SCAF1: variants seen among roughly 807,000 people sequenced by gnomAD.
The protein encoded by SCAF1 is splicing factor, arginine/serine-rich 19.
Under a neutral mutation model 91.2 loss-of-function variants are expected in SCAF1, and 28 were observed. The ratio of observed to expected loss-of-function variants is 0.31; its 90% CI spans 0.23 to 0.42. The LOEUF (loss-of-function observed/expected upper bound fraction) is 0.42. SCAF1 is among the 10% of genes least tolerant of loss of function. SCAF1 has a pLI of 1.00. For missense variants in SCAF1, 1,893 were observed against 1,872.1 expected (o/e 1.01, Z -0.21); for synonymous variants, 1,036 against 833.7 (o/e 1.24, Z -4.18).
intron 6 of SCAF1, among the ~76,000 whole-genome samples, chr19:49,649,379 G>A (rs531904877): frequency 6.6e-6 from 1 of 152,288 alleles, no homozygotes; most frequent in East Asian, 1.9e-4. Context: ...GGCTCTTTCT[G>A]CGCACTCATC....
At position 49,651,839 on chromosome 19, in the gene SCAF1, C is replaced by A; in HGVS notation, c.1450C>A (p.Arg484Ser). Residue 484 changes from arginine to serine, a missense_variant, in exon 7 of 11, where the codon CGC becomes AGC. By Grantham distance (110) the Arg-to-Ser change is moderately radical. Coordinates refer to ENST00000360565, the MANE Select transcript of SCAF1 (RefSeq NM_021228.3). ...DSRWGGLDLR[R>S]KILTQRRERY... Reference sequence around the variant, plus strand: ...GCGCTGGGGCGGCCTGGACCTGCGCCGCAAGATCCTGACCCAACGGCGGGA... The same window carrying A: ...GCGCTGGGGCGGCCTGGACCTGCGCAGCAAGATCCTGACCCAACGGCGGGA... 1 of 1,251,358 alleles carries A rather than the reference C, an allele frequency of 8.0e-7. No individual in the cohort carries two copies. Among genetic ancestry groups the A allele is most frequent in the East Asian group, 4.0e-5 (1 of 25,136 alleles). The allele number at this position is 1,251,358 out of a possible 1,614,324, so 77.5% of individuals were successfully genotyped here. A position where few individuals can be genotyped will look rare whatever the true frequency, so the allele number is the denominator to read the frequency against.
chr19:49,652,300 T>TGGC lies in SCAF1; in HGVS notation c.1915_1917dup (p.Gly639dup). The stretch of plus-strand genomic sequence containing the variant: ...GGCACCGCGGGAAACACCGGGACGG[T>TGGC]GGCGGCAGCAAGAAGAAGAAGAAGC... On this transcript the variant is annotated inframe_insertion, in exon 7 of 11. Coordinates refer to ENST00000360565, the MANE Select transcript of SCAF1 (RefSeq NM_021228.3). The TGGC allele has an allele frequency of 6.5e-7, 1 of 1,528,772 alleles. No homozygotes were observed. Among genetic ancestry groups the TGGC allele is most frequent in the Non-Finnish European group, 8.8e-7 (1 of 1,140,814 alleles). The allele number at this position is 1,528,772 out of a possible 1,614,324, so 94.7% of individuals were successfully genotyped here.
intron 1 of SCAF1, chr19:49,644,776 T>C: frequency 2.8e-6 from 1 of 357,290 alleles, no homozygotes; most frequent in Non-Finnish European, 5.0e-6. Context: ...GGCCTCCCTT[T>C]GACATAAGAG....
chr19:49,652,329 C>T lies in SCAF1; in HGVS notation c.1940C>T (p.Ser647Leu), dbSNP rs2081101757. 2 of 1,535,054 alleles carry T rather than the reference C, an allele frequency of 1.3e-6. No homozygotes were observed. The highest frequency in any genetic ancestry group is 2.0e-5 in the Admixed American group (1 of 49,426). ...GGGSKKKKKR[S>L]RSRGEKRSGD... ...GGCAGCAAGAAGAAGAAGAAGCGGTCGCGGTCCCGGGGTGAGAAGCGGTCT... is the reference window on the plus strand; with the variant it reads ...GGCAGCAAGAAGAAGAAGAAGCGGTTGCGGTCCCGGGGTGAGAAGCGGTCT... Residue 647 changes from serine (S) to leucine (L), a missense_variant, in exon 7 of 11, where the codon TCG becomes TTG. This residue lies in a region of SCAF1 where 1,436 missense variants were observed against 1,306.8 expected (regional missense o/e 1.10). Coordinates refer to ENST00000360565, the MANE Select transcript of SCAF1 (RefSeq NM_021228.3).
At position 49,651,531 on chromosome 19, in the gene SCAF1, C is replaced by T. The variant is rs1321592433; in HGVS notation, c.1142C>T (p.Pro381Leu). 3 of 1,565,952 alleles carry T rather than the reference C, an allele frequency of 1.9e-6. No individual in the cohort carries two copies. The highest frequency in any genetic ancestry group is 2.4e-5 in the East Asian group (1 of 42,468). Residue 381 changes from proline (P) to leucine (L), a missense_variant, in exon 7 of 11, where the codon CCG (proline) becomes CTG (leucine). Pro to Leu is a moderately conservative substitution (Grantham distance 98, BLOSUM62 -3). Transcript: ENST00000360565. ...ACCGCTGGTGGAGCCGCCCTCCCGC[C>T]GCCCCTGCTGCCGCCCGGCGACTCG... ...VVTAGGAALP[P>L]PLLPPGDSEI...
intron 9 of SCAF1, among the ~76,000 whole-genome samples, chr19:49,656,409 C>T (rs1457349584): frequency 6.6e-6 from 1 of 152,200 alleles, no homozygotes; most frequent in Non-Finnish European, 1.5e-5. Context: ...GTCGGCTAGC[C>T]ATTGTGCCCT....
chr19:49,645,927 C>T lies in SCAF1; in HGVS notation c.167-181C>T, dbSNP rs956972741. ...GCAGACAGGAGGACGAATGGCTGAG[C>T]GTCGCAGCCTCTGAAGTGGGTGCTG... On this transcript the variant is annotated intron_variant, in intron 3 of 10. Coordinates refer to ENST00000360565, the MANE Select transcript of SCAF1 (RefSeq NM_021228.3). This position sits in a 1 kb window ranked among gnomAD's most constrained non-coding sequence, Gnocchi z 4.6. Among the ~76,000 whole-genome samples, 1 of 152,056 alleles carries T rather than the reference C, an allele frequency of 6.6e-6. No homozygotes were observed. The highest frequency in any genetic ancestry group is 6.6e-5 in the Admixed American group (1 of 15,266).
chr19:49,651,883 G>A lies in SCAF1; in HGVS notation c.1494G>A (p.Ser498=). 1 of 1,198,888 alleles carries A rather than the reference G, an allele frequency of 8.3e-7. No individual in the cohort carries two copies. Among genetic ancestry groups the A allele is most frequent in the South Asian group, 2.2e-5 (1 of 46,458 alleles). 74.3% of individuals were successfully genotyped at this position (1,198,888 alleles called of 1,614,324 possible). The change falls in exon 7 of 11, where the codon TCG becomes TCA. Residue 498 remains serine (S), a synonymous_variant. Coordinates refer to ENST00000360565, the MANE Select transcript of SCAF1 (RefSeq NM_021228.3). ...TQRRERYRQR[S]PSPAPAPAPA... ...GGCGGGAGCGCTACCGCCAGCGCTC[G>A]CCCTCCCCGGCGCCCGCGCCCGCCC... is the stretch of plus-strand genomic sequence containing the variant.
Position 49,652,433 on chromosome 19 carries a change from C to G in SCAF1, c.2044C>G (p.Arg682Gly). Residue 682 changes from arginine to glycine, a missense_variant, in exon 7 of 11, where the codon CGC becomes GGC. Arg to Gly is a moderately radical substitution (Grantham distance 125). Transcript: ENST00000360565. Reference sequence around the variant, plus strand: ...CTCGTGTGGTGACCGCGACAGCCGCCGCCGGGGGGCCGTGCCACCCTCCAT... The same window carrying G: ...CTCGTGTGGTGACCGCGACAGCCGCGGCCGGGGGGCCGTGCCACCCTCCAT... Reference protein sequence around the residue: ...STSCGDRDSRRRGAVPPSIQD... With the variant: ...STSCGDRDSRGRGAVPPSIQD... The G allele has an allele frequency of 6.3e-7, 1 of 1,599,868 alleles. No homozygotes were observed. Among genetic ancestry groups the G allele is most frequent in the Non-Finnish European group, 8.5e-7 (1 of 1,177,370 alleles).
At chr19:49,641,817 C>G (rs1211230744), upstream of SCAF1, among the ~76,000 whole-genome samples, 1 of 152,234 alleles carries the variant, frequency 6.6e-6, no homozygotes, top group Non-Finnish European at 1.5e-5. Context: ...CAACATCCAG[C>G]AAGTCGTGCT....
rs771899666 is a variant in SCAF1 at position 49,646,484 on chromosome 19, A to C, written c.262-42A>C. On this transcript the variant is annotated intron_variant, in intron 4 of 10. Transcript: ENST00000360565. This position sits in a 1 kb window ranked among gnomAD's most constrained non-coding sequence, Gnocchi z 5.6. ...GGGGAAGCAGGATTTGCCAGTCTTC[A>C]TGTGACCAGGGACGGCGTAGAGCCT... 2.6e-6 allele frequency: 4 copies of C among 1,562,978 alleles called. No individual in the cohort carries two copies. Among genetic ancestry groups the C allele is most frequent in the African/African-American group, 2.7e-5 (2 of 73,806 alleles).
chr19:49,651,881 TCGCCCTCCCCGGCGCCCG>T lies in SCAF1; in HGVS notation c.1498_1515del (p.Ser500_Pro505del), dbSNP rs1323659898. 6 of 1,206,964 alleles carry T rather than the reference TCGCCCTCCCCGGCGCCCG, an allele frequency of 5.0e-6. No individual in the cohort carries two copies. The highest frequency in any genetic ancestry group is 2.1e-5 in the South Asian group (1 of 46,636). The allele number at this position is 1,206,964 out of a possible 1,614,324, so 74.8% of individuals were successfully genotyped here. ...ACGGCGGGAGCGCTACCGCCAGCGC[TCGCCCTCCCCGGCGCCCG>T]CGCCCGCCCCGGCCGCCGCTGCTGG... On this transcript the variant is annotated inframe_deletion, in exon 7 of 11. Coordinates refer to ENST00000360565, the MANE Select transcript of SCAF1 (RefSeq NM_021228.3).
Position 49,646,700 on chromosome 19 carries a change from C to T in SCAF1, c.363-15C>T, listed in dbSNP as rs1383852091. 6.2e-7 allele frequency: 1 copy of T among 1,612,544 alleles called. No individual in the cohort carries two copies. Among genetic ancestry groups the T allele is most frequent in the Non-Finnish European group, 8.5e-7 (1 of 1,178,848 alleles). On this transcript the variant is annotated splice_polypyrimidine_tract_variant and intron_variant, in intron 5 of 10. Transcript: ENST00000360565. This position sits in a 1 kb window ranked among gnomAD's most constrained non-coding sequence, Gnocchi z 5.6. ...GAAGCACCCCTGAGGCTCACCCACC[C>T]CTTCCGCCTTGCAGAAGTGAGGACA...
chr19:49,653,833 G>C, intron 7 of SCAF1, 128 bp downstream of exon 7: 1 of 943,318 alleles, frequency 1.1e-6, no homozygotes, highest in South Asian at 2.0e-5. Context: ...CTGGGAGGGT[G>C]GGGGTGAGTA....
In SCAF1 at chr19:49,653,320, G is replaced by A. The variant is rs575769784; in HGVS notation, c.2931G>A (p.Pro977=). 449 of 1,465,236 alleles carry A rather than the reference G, an allele frequency of 3.1e-4. 7 individuals carry two copies. In the South Asian group the frequency reaches 5.9e-3, roughly 19 times the overall value. 90.8% of individuals were successfully genotyped at this position (1,465,236 alleles called of 1,614,324 possible). Residue 977 remains proline, a synonymous_variant, in exon 7 of 11, where the codon CCG becomes CCA. Transcript: ENST00000360565. ...EERAAKVPST[P]PPKAAPPPPA... is the part of the protein sequence containing the mutation. The stretch of plus-strand genomic sequence containing the variant: ...GGGCAGCCAAGGTTCCTAGCACCCC[G>A]CCCCCCAAGGCAGCCCCACCACCCC...
In SCAF1 at chr19:49,652,249, CTCA is replaced by C. The variant is rs2081100638; in HGVS notation, c.1863_1865del (p.Ser625del). ...CCGCCTCCCCGCCCCCGGCCACTTC[CTCA>C]TCGTCGTCCTCGAGGCGCGAGCGGC... On this transcript the variant is annotated inframe_deletion, in exon 7 of 11. Transcript: ENST00000360565. 3 of 1,422,570 alleles carry C rather than the reference CTCA, an allele frequency of 2.1e-6. No individual in the cohort carries two copies. The highest frequency in any genetic ancestry group is 2.7e-6 in the Non-Finnish European group (3 of 1,092,060). The allele number at this position is 1,422,570 out of a possible 1,614,324, so 88.1% of individuals were successfully genotyped here.
Position 49,645,447 on chromosome 19 carries a change from C to A in SCAF1, c.166+36C>A. ...TTCCGGTTCCTTTTAGCCCCTGCCC[C>A]CTCTCTGCATTCTTTATCCTAATGT... On this transcript the variant is annotated intron_variant, in intron 3 of 10. Transcript: ENST00000360565. The surrounding 1 kb of genome is among the most constrained non-coding windows in gnomAD (Gnocchi z 4.6). 1 of 1,590,592 alleles carries A rather than the reference C, an allele frequency of 6.3e-7. No individual in the cohort carries two copies. The highest frequency in any genetic ancestry group is 8.6e-7 in the Non-Finnish European group (1 of 1,164,936).
In SCAF1 at chr19:49,646,819, C is replaced by T. The variant is rs143142959; in HGVS notation, c.467C>T (p.Thr156Met). 9.7e-5 allele frequency: 156 copies of T among 1,611,084 alleles called. No individual in the cohort carries two copies. The African/African-American group carries it at 1.1e-3, about 11-fold the overall frequency. The change falls in exon 6 of 11, where the codon ACG becomes ATG. Residue 156 changes from threonine to methionine, a missense_variant. Physicochemically the swap from Thr to Met is moderately conservative, Grantham distance 81. Transcript: ENST00000360565. This position sits in a 1 kb window ranked among gnomAD's most constrained non-coding sequence, Gnocchi z 5.6. ...SLLPRLRAWR[T>M]GKTVSPQSNS... ...CTGCCCCGTCTCAGGGCCTGGAGGACGGGCAAAACGGGTATGTGGGGCCAG... is the reference window on the plus strand; with the variant it reads ...CTGCCCCGTCTCAGGGCCTGGAGGATGGGCAAAACGGGTATGTGGGGCCAG...
At chr19:49,647,390 A>G (rs770191755) in intron 6 of SCAF1, among the ~76,000 whole-genome samples, 6 of 152,112 alleles carry the variant, frequency 3.9e-5, no homozygotes, top group South Asian at 2.1e-4. Context: ...CACTGGGCCC[A>G]CTCCCAAGAG....
Sources: gnomAD v4.1 joint callset for allele counts (sites outside exome capture counted in the v4.1 genomes callset) on GRCh38, gnomAD v4.1.1 for gene constraint, gnomAD v4.1.1 regional missense constraint, Gnocchi (gnomAD v3.1) non-coding constraint, MANE v1.5 for transcripts, NCBI Gene and HGNC (gene_info 2026-07-23, HGNC 2026-07-21) for gene names.